Variants in SPECC1L observed in about 807,000 individuals in gnomAD.
SPECC1L encodes the protein sperm antigen with calponin homology and coiled-coil domains 1 like.
In SPECC1L, 40 loss-of-function variants were observed where a neutral mutation model predicts 116.8. The ratio of observed to expected loss-of-function variants is 0.34; its 90% CI spans 0.27 to 0.45. The LOEUF (loss-of-function observed/expected upper bound fraction) is 0.45, where lower values mean the gene tolerates loss of function less well. SPECC1L is among the 20% of genes least tolerant of loss of function. The pLI, the probability that SPECC1L is intolerant of heterozygous loss-of-function variation, is 1.00. For synonymous variants in SPECC1L, 504 were observed against 500.6 expected (o/e 1.01, Z -0.09); for missense variants, 1,110 against 1,373.6 (o/e 0.81, Z 3.03).
intron 2 of SPECC1L, among the ~76,000 whole-genome samples, chr22:24,298,475 G>A (rs192547790): frequency 0.042 from 6,346 of 152,124 alleles, 441 homozygotes; most frequent in African/African-American, 0.14. Context: ...CCTTATTAAA[G>A]GAATTGGCTC....
At chr22:24,359,717 T>G (rs888675848) in intron 11 of SPECC1L, among the ~76,000 whole-genome samples, 2 of 152,210 alleles carry the variant, frequency 1.3e-5, no homozygotes, top group Non-Finnish European at 2.9e-5. Context: ...ATCACCACAG[T>G]GTCCTAGATT....
At chr22:24,384,019 A>G (rs2042114778) in intron 14 of SPECC1L, among the ~76,000 whole-genome samples, 1 of 151,938 alleles carries the variant, frequency 6.6e-6, no homozygotes, top group African/African-American at 2.4e-5. Context: ...TGTGTTTCAC[A>G]ACCACTGAAC....
rs1425101428 is a variant in SPECC1L at position 24,317,668 on chromosome 22, C to T, written c.308-3620C>T. Among the ~76,000 whole-genome samples, 5 of 152,218 alleles carry T rather than the reference C, an allele frequency of 3.3e-5. No individual in the cohort carries two copies. In the South Asian group the frequency reaches 6.2e-4, roughly 19 times the overall value. ...GCTGGCCAGGCGGGGGGCTGACCCC[C>T]CCATCTCCCTCCTGGACGGGGTGGC... On this transcript the variant is annotated intron_variant, in intron 4 of 16. Coordinates refer to ENST00000314328, the MANE Select transcript of SPECC1L (RefSeq NM_015330.6).
chr22:24,413,823 G>T (rs1209013726), intron 16 of SPECC1L, among the ~76,000 whole-genome samples: 1 of 152,120 alleles, frequency 6.6e-6, no homozygotes, highest in African/African-American at 2.4e-5. Context: ...TCCTGATCCT[G>T]CGTGCTCAGC....
At position 24,301,712 on chromosome 22, in the gene SPECC1L, A is replaced by G. The variant is rs990997739; in HGVS notation, c.-37-483A>G. 2.0e-5 allele frequency among the ~76,000 whole-genome samples: 3 copies of G among 152,134 alleles called. 1 individual carries two copies. The highest frequency in any genetic ancestry group is 6.6e-5 in the Admixed American group (1 of 15,246). ...TTGTAAAGTTTAAAAATAGTAAGTC[A>G]GGGGTCATCTGTGTATTGTTTTCAA... On this transcript the variant is annotated intron_variant, in intron 2 of 16. Transcript: ENST00000314328.
At chr22:24,395,747 C>T (rs966972561) in intron 14 of SPECC1L, among the ~76,000 whole-genome samples, 1 of 152,136 alleles carries the variant, frequency 6.6e-6, no homozygotes. Flanking sequence ...AAGCAATTCT[C>T]GTGCCTCAGC....
chr22:24,365,069 G>A (rs1057365193), intron 12 of SPECC1L, among the ~76,000 whole-genome samples: 9 of 152,016 alleles, frequency 5.9e-5, no homozygotes, highest in South Asian at 2.1e-4. Context: ...GCAGAGTGGC[G>A]CAGTCTTGGC....
intron 14 of SPECC1L, among the ~76,000 whole-genome samples, chr22:24,372,973 C>T (rs1368728694): frequency 6.6e-6 from 1 of 152,178 alleles, no homozygotes; most frequent in Non-Finnish European, 1.5e-5. Flanking sequence ...CATTCTTATA[C>T]ACCAATATCA....
intron 14 of SPECC1L, among the ~76,000 whole-genome samples, chr22:24,386,193 A>G (rs2042157838): frequency 6.6e-6 from 1 of 152,136 alleles, no homozygotes; most frequent in Admixed American, 6.5e-5. Flanking sequence ...GATAAAGGGC[A>G]TCTACAAAAA....
In SPECC1L at chr22:24,328,028, C is replaced by T. The variant is rs141843220; in HGVS notation, c.2147-818C>T. On this transcript the variant is annotated intron_variant, in intron 6 of 16. Coordinates refer to ENST00000314328, the MANE Select transcript of SPECC1L (RefSeq NM_015330.6). Reference sequence around the variant, plus strand: ...ATTGGTTCCTGAGCTGTCAAAGTAACACAGCCGTAAGCGGTTTACTTAGTG... The same window carrying T: ...ATTGGTTCCTGAGCTGTCAAAGTAATACAGCCGTAAGCGGTTTACTTAGTG... Among the ~76,000 whole-genome samples the T allele has an allele frequency of 2.3e-3, 349 of 152,308 alleles. 2 individuals carry two copies. Among genetic ancestry groups the T allele is most frequent in the African/African-American group, 7.9e-3 (329 of 41,562 alleles).
chr22:24,387,094 T>C (rs1198721735), intron 14 of SPECC1L, among the ~76,000 whole-genome samples: 2 of 152,046 alleles, frequency 1.3e-5, no homozygotes, highest in African/African-American at 4.8e-5. Context: ...GTTTGGAAAA[T>C]GTTGGCAGTA....
intron 14 of SPECC1L, among the ~76,000 whole-genome samples, chr22:24,386,883 C>CGTGAT (rs773638275): frequency 7.1e-4 from 108 of 152,234 alleles, no homozygotes; most frequent in Admixed American, 1.2e-3. Context: ...GGATTACAGG[C>CGTGAT]GTGAGCCACT....
At chr22:24,366,203 T>C (rs921581384) in intron 13 of SPECC1L, among the ~76,000 whole-genome samples, 1 of 150,352 alleles carries the variant, frequency 6.7e-6, no homozygotes, top group African/African-American at 2.4e-5. Context: ...AACTTTTCTT[T>C]TTTTTTTTTG....
At chr22:24,327,843 TGTG>T (rs1353271010) in intron 6 of SPECC1L, among the ~76,000 whole-genome samples, 9 of 152,256 alleles carry the variant, frequency 5.9e-5, no homozygotes, top group South Asian at 2.1e-4. Flanking sequence ...TGTGTCGAGA[TGTG>T]GTAATATTGG....
intron 3 of SPECC1L, among the ~76,000 whole-genome samples, chr22:24,311,135 C>T (rs2040453265): frequency 6.6e-6 from 1 of 152,112 alleles, no homozygotes; most frequent in African/African-American, 2.4e-5. Flanking sequence ...CTGTCTTAAT[C>T]ATTATAAGTG....
intron 8 of SPECC1L, among the ~76,000 whole-genome samples, chr22:24,331,451 A>C (rs1253109063): frequency 6.6e-6 from 1 of 152,234 alleles, no homozygotes; most frequent in African/African-American, 2.4e-5. Flanking sequence ...TTTATTATTA[A>C]ACGAATAACA....
intron 3 of SPECC1L, among the ~76,000 whole-genome samples, chr22:24,309,906 A>C (rs1407832994): frequency 6.6e-6 from 1 of 152,168 alleles, no homozygotes; most frequent in Non-Finnish European, 1.5e-5. Context: ...TGAAACACTA[A>C]CATGGCTCCA....
chr22:24,398,370 C>G (rs149543068), intron 14 of SPECC1L, among the ~76,000 whole-genome samples: 165 of 152,252 alleles, frequency 1.1e-3, no homozygotes, highest in African/African-American at 3.5e-3. Flanking sequence ...ACGATGTGCC[C>G]ACAGTCCTAC....
At chr22:24,300,493 C>T (rs563812987) in intron 2 of SPECC1L, among the ~76,000 whole-genome samples, 17 of 152,244 alleles carry the variant, frequency 1.1e-4, no homozygotes, top group Admixed American at 5.2e-4. Flanking sequence ...TGAGTATATA[C>T]GCAATAATGG....
Sources: allele counts gnomAD v4.1 joint callset (sites outside exome capture counted in the v4.1 genomes callset), GRCh38; gene constraint gnomAD v4.1.1; transcripts MANE v1.5; gene names NCBI Gene and HGNC (gene_info 2026-07-23, HGNC 2026-07-21).